The following ATIC variants were observed in gnomAD, a reference collection of about 807,000 sequenced individuals.
ATIC encodes the protein bifunctional purine biosynthesis protein ATIC.
Under a neutral mutation model 72.5 loss-of-function variants are expected in ATIC, and 64 were observed. The ratio of observed to expected loss-of-function variants is 0.88; its 90% CI spans 0.72 to 1.09. ATIC has a LOEUF of 1.09. ATIC is among the 50% of genes least tolerant of loss of function. The pLI is 0.00. For synonymous variants in ATIC, 281 were observed against 267.1 expected (o/e 1.05, Z -0.51); for missense variants, 787 against 732.4 (o/e 1.07, Z -0.86).
the ATIC span, among the ~76,000 whole-genome samples, chr2:215,356,228 A>G: frequency 6.6e-6 from 1 of 152,250 alleles, no homozygotes; most frequent in African/African-American, 2.4e-5. Flanking sequence ...TATTCTTTTC[A>G]TAATGCTTTT....
rs370814879 is a variant in ATIC at position 215,313,954 on chromosome 2, G to A, written c.146+1330G>A. Among the ~76,000 whole-genome samples the A allele has an allele frequency of 8.5e-5, 13 of 152,078 alleles. No individual in the cohort carries two copies. In the East Asian group the frequency reaches 2.3e-3, roughly 27 times the overall value. On this transcript the variant is annotated intron_variant, in intron 2 of 15. Coordinates refer to ENST00000236959, the MANE Select transcript of ATIC (RefSeq NM_004044.7). ...CCAAGTTGGGTCCTCCTATGGTAAT[G>A]GAACCTTCGTAAAGCAAAATCCTCA...
chr2:215,358,899 T>A, the ATIC span, among the ~76,000 whole-genome samples: 1 of 152,258 alleles, frequency 6.6e-6, no homozygotes, highest in Non-Finnish European at 1.5e-5. Context: ...TTTTTTATTT[T>A]TGAGACGAAG....
In ATIC at chr2:215,326,981, A is replaced by G. The variant is rs778253114; in HGVS notation, c.688+3A>G. The G allele has an allele frequency of 1.5e-5, 24 of 1,614,052 alleles. 2 individuals carry two copies. The highest frequency in any genetic ancestry group is 1.7e-5 in the Non-Finnish European group (20 of 1,180,040). ...GCAGCCCAAGCTTCCCATCACAGGT[A>G]AAGCCCGAGCGTTCTGTGGCATGGT... On this transcript the variant is annotated splice_donor_region_variant and intron_variant, in intron 7 of 15. Transcript: ENST00000236959.
chr2:215,368,055 A>G, the ATIC span: 1 of 1,612,364 alleles, frequency 6.2e-7, no homozygotes, highest in South Asian at 1.1e-5. Context: ...AAAAAGCAAA[A>G]AGAGACATCT....
the ATIC span, among the ~76,000 whole-genome samples, chr2:215,366,583 G>A: frequency 6.6e-6 from 1 of 152,184 alleles, no homozygotes; most frequent in Non-Finnish European, 1.5e-5. Flanking sequence ...CATAAGGGAT[G>A]ACTTTTTAAC....
chr2:215,344,418 T>C (rs1197732801), intron 12 of ATIC, among the ~76,000 whole-genome samples: 1 of 152,174 alleles, frequency 6.6e-6, no homozygotes, highest in Non-Finnish European at 1.5e-5. Context: ...CCAGGTGTGG[T>C]GGCTCACACC....
At chr2:215,367,792 T>C in the ATIC span, 1 of 1,484,156 alleles carries the variant, frequency 6.7e-7, no homozygotes, top group Non-Finnish European at 9.4e-7. Context: ...ACATGCTTCC[T>C]TGGCACATGA....
intron 3 of ATIC, among the ~76,000 whole-genome samples, chr2:215,319,141 A>G (rs2052741099): frequency 6.6e-6 from 1 of 152,096 alleles, no homozygotes; most frequent in Admixed American, 6.5e-5. Context: ...TAGCCTCCCA[A>G]AGTGCTGGTA....
At chr2:215,340,740 T>C (rs1327926904) in intron 12 of ATIC, among the ~76,000 whole-genome samples, 1 of 152,182 alleles carries the variant, frequency 6.6e-6, no homozygotes, top group Non-Finnish European at 1.5e-5. Flanking sequence ...TCCCTAGGTA[T>C]CTACTGCTGT....
intron 2 of ATIC, among the ~76,000 whole-genome samples, chr2:215,317,913 G>A (rs1208844054): frequency 6.6e-6 from 1 of 152,188 alleles, no homozygotes; most frequent in East Asian, 1.9e-4. Flanking sequence ...AACCAGTGCT[G>A]TAGTAGTTAC....
chr2:215,315,682 G>A (rs1253647293), intron 2 of ATIC, among the ~76,000 whole-genome samples: 1 of 152,118 alleles, frequency 6.6e-6, no homozygotes, highest in African/African-American at 2.4e-5. Flanking sequence ...TGGGCGCAGT[G>A]GCTCACCCCT....
intron 3 of ATIC, among the ~76,000 whole-genome samples, chr2:215,319,222 C>A (rs1393550676): frequency 1.3e-5 from 2 of 152,116 alleles, no homozygotes; most frequent in East Asian, 3.9e-4. Context: ...GATAACTCCC[C>A]AACTACATGT....
Position 215,315,021 on chromosome 2 carries a change from A to G in ATIC, c.146+2397A>G, listed in dbSNP as rs567026091. 5.3e-5 allele frequency among the ~76,000 whole-genome samples: 8 copies of G among 152,324 alleles called. No homozygotes were observed. The South Asian group carries it at 1.0e-3, about 20-fold the overall frequency. Reference sequence around the variant, plus strand: ...AAAGAATGGACAGAAAGGTGGAAGTATGATTGGACAGCAAGGATATGGTGT... The same window carrying G: ...AAAGAATGGACAGAAAGGTGGAAGTGTGATTGGACAGCAAGGATATGGTGT... On this transcript the variant is annotated intron_variant, in intron 2 of 15. Transcript: ENST00000236959.
rs147289144 is a variant in ATIC at position 215,326,869 on chromosome 2, C to T, written c.579C>T (p.Phe193=). Residue 193 remains phenylalanine (F), a synonymous_variant, in exon 7 of 16, where the codon TTC becomes TTT. Coordinates refer to ENST00000236959, the MANE Select transcript of ATIC (RefSeq NM_004044.7). ...ATGATGAAGCAATTTCAGATTATTT[C>T]AGGAAACAGTACAGCAAAGGCGTAT... is the stretch of plus-strand genomic sequence containing the variant. ...AQYDEAISDY[F]RKQYSKGVSQ... 3 of 1,613,956 alleles carry T rather than the reference C, an allele frequency of 1.9e-6. No homozygotes were observed. The African/African-American group carries it at 4.0e-5, about 22-fold the overall frequency.
Position 215,346,743 on chromosome 2 carries a change from T to C in ATIC, c.1321-16T>C, listed in dbSNP as rs1199411166. ...TCTTTGGAAGAGGTGTTCACTTTAATGTCTGTGTTCCTCAGGTTATCGGCA... is the reference window on the plus strand; with the variant it reads ...TCTTTGGAAGAGGTGTTCACTTTAACGTCTGTGTTCCTCAGGTTATCGGCA... On this transcript the variant is annotated splice_polypyrimidine_tract_variant and intron_variant, in intron 13 of 15. Transcript: ENST00000236959. The C allele has an allele frequency of 5.6e-6, 9 of 1,613,792 alleles. No homozygotes were observed. The highest frequency in any genetic ancestry group is 6.8e-6 in the Non-Finnish European group (8 of 1,179,882).
the ATIC span, among the ~76,000 whole-genome samples, chr2:215,358,055 T>C: frequency 6.6e-6 from 1 of 152,322 alleles, no homozygotes; most frequent in South Asian, 2.1e-4. Context: ...GGAAATATAA[T>C]TAAATAGAAA....
chr2:215,361,329 G>A, the ATIC span: 3 of 562,074 alleles, frequency 5.3e-6, no homozygotes, highest in East Asian at 3.1e-5. Context: ...TGAATACTTC[G>A]AAGCAGAACA....
intron 12 of ATIC, among the ~76,000 whole-genome samples, chr2:215,339,556 G>A (rs1427005327): frequency 2.0e-5 from 3 of 152,220 alleles, no homozygotes; most frequent in Admixed American, 6.5e-5. Flanking sequence ...GAAAGTCCAT[G>A]TGGCAGTCAG....
chr2:215,314,460 A>G (rs1461528864), intron 2 of ATIC, among the ~76,000 whole-genome samples: 27 of 151,784 alleles, frequency 1.8e-4, no homozygotes, highest in Admixed American at 1.8e-3. Flanking sequence ...TAGTTAAGTA[A>G]CTCGCTCGAG....
Sources: gnomAD v4.1 joint callset for allele counts (sites outside exome capture counted in the v4.1 genomes callset) on GRCh38, gnomAD v4.1.1 for gene constraint, MANE v1.5 for transcripts, NCBI Gene and HGNC (gene_info 2026-07-23, HGNC 2026-07-21) for gene names.